The following SORCS2 variants were observed in gnomAD, a reference collection of about 807,000 sequenced individuals.
SORCS2 encodes the protein VPS10 domain-containing receptor SorCS2.
Under a neutral mutation model 141.6 loss-of-function variants are expected in SORCS2, and 100 were observed. The ratio of observed to expected loss-of-function variants is 0.71; its 90% CI spans 0.60 to 0.83. The LOEUF is 0.83. Ranked by LOEUF, SORCS2 falls within the 40% of genes least tolerant of loss-of-function variation. SORCS2 has a pLI of 0.00. For missense variants in SORCS2, 1,646 were observed against 1,560.2 expected (o/e 1.05, Z -0.93); for synonymous variants, 789 against 676.9 (o/e 1.17, Z -2.57).
intron 1 of SORCS2, among the ~76,000 whole-genome samples, chr4:7,206,710 G>A (rs1727762758): frequency 6.6e-6 from 1 of 152,184 alleles, no homozygotes; most frequent in African/African-American, 2.4e-5. Context: ...CGCCTCCATG[G>A]TGGGGCCACT....
intron 1 of SORCS2, among the ~76,000 whole-genome samples, chr4:7,203,367 T>C (rs2108865862): frequency 6.6e-6 from 1 of 152,338 alleles, no homozygotes; most frequent in South Asian, 2.1e-4. Flanking sequence ...GAGATTGTAG[T>C]GAGCCGAGAT....
chr4:7,434,226 A>C (rs778980851), intron 2 of SORCS2: 16 of 1,613,656 alleles, frequency 9.9e-6, no homozygotes, highest in Non-Finnish European at 1.2e-5. Context: ...CGGCCAGGCC[A>C]GGCCCCAAGG....
intron 1 of SORCS2, among the ~76,000 whole-genome samples, chr4:7,268,407 A>G (rs1283540274): frequency 6.6e-6 from 1 of 152,154 alleles, no homozygotes; most frequent in African/African-American, 2.4e-5. Context: ...CGGCCACTTA[A>G]CAATCCCTCA....
chr4:7,313,906 G>T lies in SORCS2; in HGVS notation c.481-82382G>T, dbSNP rs147660655. Reference sequence around the variant, plus strand: ...TTAGCCTGGGAGGCCCTGTCCCATTGAGGGCAGGAGTGGTGGCATCTTCAT... The same window carrying T: ...TTAGCCTGGGAGGCCCTGTCCCATTTAGGGCAGGAGTGGTGGCATCTTCAT... On this transcript the variant is annotated intron_variant, in intron 1 of 26. Transcript: ENST00000507866. 3.8e-3 allele frequency among the ~76,000 whole-genome samples: 583 copies of T among 152,310 alleles called. 3 individuals are homozygous for T. Among genetic ancestry groups the T allele is most frequent in the African/African-American group, 0.013 (553 of 41,554 alleles).
intron 1 of SORCS2, among the ~76,000 whole-genome samples, chr4:7,245,753 T>A (rs1342378943): frequency 2.6e-5 from 4 of 152,160 alleles, no homozygotes; most frequent in African/African-American, 9.6e-5. Context: ...TCAGTGACCC[T>A]CTGCTGGGTG....
chr4:7,734,033 G>C (rs561265557), intron 24 of SORCS2, among the ~76,000 whole-genome samples: 13 of 151,674 alleles, frequency 8.6e-5, no homozygotes, highest in Non-Finnish European at 2.9e-5. Context: ...GGCAGGGGAC[G>C]GGCAGGAACA....
intron 4 of SORCS2, among the ~76,000 whole-genome samples, chr4:7,638,949 TCTC>T (rs1577878873): frequency 6.6e-6 from 1 of 152,128 alleles, no homozygotes; most frequent in East Asian, 1.9e-4. Context: ...CAGATCAGCA[TCTC>T]CTCCTCTGGG....
chr4:7,388,146 G>A (rs1380650539), intron 1 of SORCS2, among the ~76,000 whole-genome samples: 3 of 134,498 alleles, frequency 2.2e-5, no homozygotes, highest in Non-Finnish European at 3.2e-5. Context: ...GCACACATGC[G>A]CACAGATGCC....
intron 23 of SORCS2, among the ~76,000 whole-genome samples, chr4:7,732,659 C>G (rs1711798323): frequency 6.6e-6 from 1 of 152,128 alleles, no homozygotes; most frequent in Non-Finnish European, 1.5e-5. Flanking sequence ...TCCAGGAGGC[C>G]TTCCCTGACC....
At chr4:7,709,655 G>T (rs940758336) in intron 14 of SORCS2, among the ~76,000 whole-genome samples, 4 of 152,210 alleles carry the variant, frequency 2.6e-5, no homozygotes, top group African/African-American at 9.6e-5. Context: ...GAGCTGCCCT[G>T]CCGGAGAGTT....
chr4:7,406,463 G>T (rs1008971125), intron 2 of SORCS2, among the ~76,000 whole-genome samples: 1 of 149,960 alleles, frequency 6.7e-6, no homozygotes, highest in African/African-American at 2.5e-5. Context: ...GTTCAATCTT[G>T]GTGGGTTGTA....
intron 3 of SORCS2, among the ~76,000 whole-genome samples, chr4:7,618,903 G>T (rs541905164): frequency 6.6e-6 from 1 of 152,082 alleles, no homozygotes; most frequent in South Asian, 2.1e-4. Flanking sequence ...GGGGCAGGAA[G>T]CTCACCTGTG....
intron 1 of SORCS2, among the ~76,000 whole-genome samples, chr4:7,205,778 C>T (rs1007683230): frequency 2.6e-5 from 4 of 152,220 alleles, no homozygotes; most frequent in African/African-American, 9.6e-5. Flanking sequence ...CGCGGTGGCT[C>T]ACGCCCGGAA....
rs544703852 is a variant in SORCS2, at chr4:7,718,246, C to T, written c.2424+63C>T. The T allele has an allele frequency of 7.1e-5, 111 of 1,555,622 alleles. No homozygotes were observed. The South Asian group carries it at 9.1e-4, about 13-fold the overall frequency. On this transcript the variant is annotated intron_variant, in intron 18 of 26. Transcript: ENST00000507866. ...GGGCAGGGGCGGCTCCAACTGGGCA[C>T]GCAGAAGGCACGGTGAGGGTGTCTC...
intron 4 of SORCS2, among the ~76,000 whole-genome samples, chr4:7,653,074 G>T (rs946448266): frequency 3.3e-5 from 5 of 152,178 alleles, no homozygotes; most frequent in African/African-American, 1.2e-4. Context: ...CCTGACCCTG[G>T]CACTCACCAG....
intron 3 of SORCS2, among the ~76,000 whole-genome samples, chr4:7,541,424 C>T (rs1186438360): frequency 2.6e-5 from 4 of 152,222 alleles, no homozygotes; most frequent in Admixed American, 6.5e-5. Context: ...TATGGACATG[C>T]ATTTGCAAAT....
At chr4:7,556,790 A>T (rs1714150257) in intron 3 of SORCS2, among the ~76,000 whole-genome samples, 1 of 126,972 alleles carries the variant, frequency 7.9e-6, no homozygotes, top group Non-Finnish European at 1.6e-5. Context: ...CCACCCACAC[A>T]TCCATCCACT....
At chr4:7,655,505 G>A (rs937258285) in intron 5 of SORCS2, among the ~76,000 whole-genome samples, 3 of 152,366 alleles carry the variant, frequency 2.0e-5, no homozygotes, top group East Asian at 1.9e-4. Flanking sequence ...GTAATGTCAC[G>A]CTGACCGTGG....
intron 1 of SORCS2, among the ~76,000 whole-genome samples, chr4:7,374,371 A>C (rs1722497415): frequency 1.3e-5 from 2 of 152,104 alleles, no homozygotes; most frequent in Non-Finnish European, 2.9e-5. Flanking sequence ...GGCAGTGCAA[A>C]GCTGAGCTCG....
Sources: gnomAD v4.1 joint callset for allele counts (sites outside exome capture counted in the v4.1 genomes callset) on GRCh38, gnomAD v4.1.1 for gene constraint, MANE v1.5 for transcripts, NCBI Gene and HGNC (gene_info 2026-07-23, HGNC 2026-07-21) for gene names.